The following CCDC150 variants were observed in gnomAD, a reference collection of about 807,000 sequenced individuals.
CCDC150 encodes coiled-coil domain-containing protein 150.
A neutral mutation model predicts 156.5 loss-of-function variants in CCDC150; 151 were observed. The observed-to-expected ratio is 0.97, with a 90% CI of 0.85 to 1.10. The LOEUF is 1.10. Ranked by LOEUF, CCDC150 falls within the 50% of genes least tolerant of loss-of-function variation. The pLI, the probability that CCDC150 is intolerant of heterozygous loss-of-function variation, is 0.00. For synonymous variants in CCDC150, 452 were observed against 429.4 expected (o/e 1.05, Z -0.65); for missense variants, 1,312 against 1,268.1 (o/e 1.03, Z -0.53).
At chr2:196,698,336 G>GC in intron 14 of CCDC150, among the ~76,000 whole-genome samples, 1 of 152,174 alleles carries the variant, frequency 6.6e-6, no homozygotes, top group Non-Finnish European at 1.5e-5. Context: ...TTGTACATTA[G>GC]CATTCTCTTT....
chr2:196,697,915 T>C (rs550913142), intron 14 of CCDC150, among the ~76,000 whole-genome samples: 3 of 152,324 alleles, frequency 2.0e-5, no homozygotes, highest in African/African-American at 7.2e-5. Context: ...TACTTCCTGC[T>C]TTTCTAAAGA....
chr2:196,674,737 T>C (rs1446242286), intron 10 of CCDC150, among the ~76,000 whole-genome samples: 6 of 152,200 alleles, frequency 3.9e-5, no homozygotes, highest in Non-Finnish European at 8.8e-5. Flanking sequence ...AAATTCTGTT[T>C]ATTCTTTAAG....
chr2:196,677,368 T>C lies in CCDC150; in HGVS notation c.1509+7T>C. ...GGAATTAGCTAAAAACAAGGTATTC[T>C]TCATTTTACTTACTGATATTTCACT... On this transcript the variant is annotated splice_region_variant and intron_variant, in intron 13 of 27. Coordinates refer to ENST00000389175, the MANE Select transcript of CCDC150 (RefSeq NM_001080539.2). 1 of 1,485,912 alleles carries C rather than the reference T, an allele frequency of 6.7e-7. No homozygotes were observed. Among genetic ancestry groups the C allele is most frequent in the Non-Finnish European group, 9.2e-7 (1 of 1,084,848 alleles). 92.0% of individuals were successfully genotyped at this position (1,485,912 alleles called of 1,614,324 possible).
intron 15 of CCDC150, among the ~76,000 whole-genome samples, chr2:196,706,246 A>G (rs911822353): frequency 2.6e-5 from 4 of 152,142 alleles, no homozygotes; most frequent in African/African-American, 9.7e-5. Flanking sequence ...ATCCCTTGTA[A>G]GTTGGATTCC....
rs1424534005 is a variant in CCDC150, at chr2:196,669,865, G to T, written c.925G>T (p.Glu309Ter). ...AGATGACCTCATTTCCAAGTTGGTT[G>T]AAGAAAATAAGGTGAGTTTTGAAGT... Reference protein sequence around the residue: ...SRDDLISKLVEENKNLQISFN... With the variant: ...SRDDLISKLV Residue 309 changes from glutamate to a stop codon, truncating the protein, a stop_gained, in exon 8 of 28, where the codon GAA (glutamate) becomes TAA (stop). Transcript: ENST00000389175. LOFTEE classifies it high-confidence loss of function. 2 of 1,611,194 alleles carry T rather than the reference G, an allele frequency of 1.2e-6. No individual in the cohort carries two copies. Among genetic ancestry groups the T allele is most frequent in the Non-Finnish European group, 1.7e-6 (2 of 1,178,318 alleles).
At position 196,665,585 on chromosome 2, in the gene CCDC150, CAGG is replaced by C. The variant is rs1335144288; in HGVS notation, c.667_669del (p.Glu223del). ...TTTGTAGCTAAGGAGACAACTGGCT[CAGG>C]AGAAGTACCTTAGGGAATCTTTAGA... On this transcript the variant is annotated inframe_deletion, in exon 6 of 28. Coordinates refer to ENST00000389175, the MANE Select transcript of CCDC150 (RefSeq NM_001080539.2). 5 of 1,601,174 alleles carry C rather than the reference CAGG, an allele frequency of 3.1e-6. No homozygotes were observed. The highest frequency in any genetic ancestry group is 4.3e-6 in the Non-Finnish European group (5 of 1,173,788).
At chr2:196,727,015 A>G (rs768567045) in intron 22 of CCDC150, 1 of 152,276 alleles carries the variant, frequency 6.6e-6, no homozygotes, top group Non-Finnish European at 1.5e-5. Context: ...CGAGAAAACT[A>G]TAACAGTTAA....
At chr2:196,668,317 A>AAAG (rs1559227408) in intron 7 of CCDC150, among the ~76,000 whole-genome samples, 3 of 146,782 alleles carry the variant, frequency 2.0e-5, no homozygotes, top group Non-Finnish European at 4.5e-5. Context: ...AAAAAAAAAA[A>AAAG]AAGAAGATAT....
Position 196,721,680 on chromosome 2 carries a change from G to T in CCDC150, c.2418G>T (p.Leu806Phe). The change falls in exon 21 of 28, where the codon TTG becomes TTT. Residue 806 changes from leucine (L) to phenylalanine (F), a missense_variant. Coordinates refer to ENST00000389175, the MANE Select transcript of CCDC150 (RefSeq NM_001080539.2). ...LESKELERQN[L>F]ETFKDRMTEE... is the part of the protein sequence containing the mutation. The stretch of plus-strand genomic sequence containing the variant: ...GCAAAGAACTTGAGCGACAGAATTT[G>T]GAAACCTTCAAGTAAGAGCATTATA... 6.3e-7 allele frequency: 1 copy of T among 1,595,974 alleles called. No homozygotes were observed.
chr2:196,697,888 A>G (rs887760478), intron 14 of CCDC150, among the ~76,000 whole-genome samples: 4 of 152,166 alleles, frequency 2.6e-5, no homozygotes, highest in Non-Finnish European at 4.4e-5. Context: ...ATATCTTAAG[A>G]TAATTCTTCC....
chr2:196,649,412 C>T (rs924980361), intron 2 of CCDC150, among the ~76,000 whole-genome samples: 3 of 152,162 alleles, frequency 2.0e-5, no homozygotes, highest in Non-Finnish European at 4.4e-5. Context: ...GGTAATGTTG[C>T]AGTGCAAGGC....
At chr2:196,655,123 A>G (rs921822322) in intron 2 of CCDC150, among the ~76,000 whole-genome samples, 2 of 152,250 alleles carry the variant, frequency 1.3e-5, no homozygotes, top group African/African-American at 4.8e-5. Flanking sequence ...ACTGCGCTAA[A>G]GCAGGCATTA....
chr2:196,692,804 G>A (rs139808922), intron 13 of CCDC150, among the ~76,000 whole-genome samples: 4 of 152,236 alleles, frequency 2.6e-5, no homozygotes, highest in Non-Finnish European at 5.9e-5. Context: ...TTGTTGTTTT[G>A]GGGTGGGGAG....
At chr2:196,722,142 A>T (rs941433475) in intron 21 of CCDC150, among the ~76,000 whole-genome samples, 2 of 152,238 alleles carry the variant, frequency 1.3e-5, no homozygotes, top group African/African-American at 4.8e-5. Flanking sequence ...CTTAGATCAG[A>T]CTTATCCAGT....
intron 4 of CCDC150, 58 bp from the exon 5 acceptor site, chr2:196,658,734 A>G: frequency 4.6e-6 from 6 of 1,302,948 alleles, no homozygotes; most frequent in Middle Eastern, 2.0e-4. Flanking sequence ...ATATACCTAT[A>G]GACAATTTCT....
In CCDC150 at chr2:196,720,746, AG is replaced by A. The variant is rs949560650; in HGVS notation, c.2259+79del. 3 of 1,224,544 alleles carry A rather than the reference AG, an allele frequency of 2.4e-6. No individual in the cohort carries two copies. The African/African-American group carries it at 4.6e-5, about 19-fold the overall frequency. The allele number at this position is 1,224,544 out of a possible 1,614,324, so 75.9% of individuals were successfully genotyped here. ...GATATTACTGTTTTTGGGAAAATGA[AG>A]TGAAACTATCAGGTAAATGTTTTTT... On this transcript the variant is annotated intron_variant, in intron 20 of 27. Transcript: ENST00000389175.
chr2:196,732,615 A>G lies in CCDC150; in HGVS notation c.*53A>G. On this transcript the variant is annotated 3_prime_UTR_variant, in exon 28 of 28. Transcript: ENST00000389175. ...TGTAGCTACACTCCATGATTCCAAG[A>G]GCCCAGCAGCCGGGGCTGGCCTGTT... 3 of 1,229,744 alleles carry G rather than the reference A, an allele frequency of 2.4e-6. No homozygotes were observed. In the East Asian group the frequency reaches 7.0e-5, roughly 29 times the overall value. 76.2% of individuals were successfully genotyped at this position (1,229,744 alleles called of 1,614,324 possible). A position where few individuals can be genotyped will look rare whatever the true frequency, so the allele number is the denominator to read the frequency against.
intron 5 of CCDC150, among the ~76,000 whole-genome samples, chr2:196,660,912 G>A (rs531172591): frequency 3.3e-5 from 5 of 152,188 alleles, no homozygotes; most frequent in African/African-American, 9.6e-5. Flanking sequence ...TCTTCTAAGA[G>A]ATTTTATAGG....
Position 196,701,154 on chromosome 2 carries a change from C to G in CCDC150, c.1669C>G (p.Leu557Val), listed in dbSNP as rs1469006066. 1 of 1,608,462 alleles carries G rather than the reference C, an allele frequency of 6.2e-7. No individual in the cohort carries two copies. The highest frequency in any genetic ancestry group is 8.5e-7 in the Non-Finnish European group (1 of 1,177,540). Reference sequence around the variant, plus strand: ...AAAAATCACTGAAAGTAAAAATAAACTGGCCTATGAAAACGGAAAACTCCA... The same window carrying G: ...AAAAATCACTGAAAGTAAAAATAAAGTGGCCTATGAAAACGGAAAACTCCA... ...VEKITESKNK[L>V]AYENGKLQIK... The change falls in exon 15 of 28, where the codon CTG becomes GTG. Residue 557 changes from leucine (L) to valine (V), a missense_variant. By Grantham distance (32) the Leu-to-Val change is conservative. Transcript: ENST00000389175.
Sources: gnomAD v4.1 joint callset for allele counts (sites outside exome capture counted in the v4.1 genomes callset) on GRCh38, gnomAD v4.1.1 for gene constraint, MANE v1.5 for transcripts, NCBI Gene and HGNC (gene_info 2026-07-23, HGNC 2026-07-21) for gene names.